The following LAMA1 variants were observed in gnomAD, a reference collection of about 807,000 sequenced individuals.
The protein encoded by LAMA1 is laminin subunit alpha 1.
A neutral mutation model predicts 348.7 loss-of-function variants in LAMA1; 219 were observed. The ratio of observed to expected loss-of-function variants is 0.63; its 90% CI spans 0.56 to 0.70. The LOEUF (loss-of-function observed/expected upper bound fraction) is 0.70, where lower values mean the gene tolerates loss of function less well. Ranked by LOEUF, LAMA1 falls within the 30% of genes least tolerant of loss-of-function variation. The pLI is 0.00. For missense variants in LAMA1, 3,744 were observed against 3,888.0 expected, an observed-to-expected ratio of 0.96 and a Z score of 0.99; for synonymous variants, 1,487 against 1,491.0, an observed-to-expected ratio of 1.00 and a Z score of 0.06.
intron 1 of LAMA1, among the ~76,000 whole-genome samples, chr18:7,083,110 C>G (rs2058199724): frequency 6.6e-6 from 1 of 151,948 alleles, no homozygotes; most frequent in Admixed American, 6.6e-5. Context: ...AGAATAATAT[C>G]TCAGTTATAG....
chr18:7,013,134 C>T (rs1433528286), intron 23 of LAMA1, among the ~76,000 whole-genome samples: 1 of 151,912 alleles, frequency 6.6e-6, no homozygotes, highest in Admixed American at 6.6e-5. Context: ...GCACTCCAGC[C>T]TGAGAGACAG....
rs1394375828 is a variant in LAMA1, at chr18:6,943,287, T to C, written c.8960A>G (p.His2987Arg). 6.2e-7 allele frequency: 1 copy of C among 1,614,080 alleles called. No homozygotes were observed. Among genetic ancestry groups the C allele is most frequent in the Non-Finnish European group, 8.5e-7 (1 of 1,180,042 alleles). The change falls in exon 62 of 63, where the codon CAC becomes CGC. Residue 2987 changes from histidine (H) to arginine (R), a missense_variant. By Grantham distance (29) the His-to-Arg change is conservative. This residue lies in a region of LAMA1 where 232 missense variants were observed against 264.4 expected (regional missense o/e 0.88). Coordinates refer to ENST00000389658, the MANE Select transcript of LAMA1 (RefSeq NM_005559.4). The part of the protein sequence containing the change: ...WHTLQANKSK[H>R]RITLIVDGNA... ...CCCGTCAACAATCAGAGTGATACGG[T>C]GTTTGCTTTTGTTAGCTTGAAGAGT... is the stretch of plus-strand genomic sequence containing the variant.
chr18:7,038,883 G>C lies in LAMA1; in HGVS notation c.1490C>G (p.Pro497Arg), dbSNP rs917061545. Reference sequence around the variant, plus strand: ...GCAGAAGCACTCGGAGCAGCCCCGGGGGTTTTTTTCCTTCAAGTTATAGAA... The same window carrying C: ...GCAGAAGCACTCGGAGCAGCCCCGGCGGTTTTTTTCCTTCAAGTTATAGAA... ...PGFYNLKEKNPRGCSECFCFG... is the reference protein window; with the variant it reads ...PGFYNLKEKNRRGCSECFCFG... Residue 497 changes from proline to arginine, a missense_variant, in exon 11 of 63, where the codon CCC (proline) becomes CGC (arginine). Pro to Arg is a moderately radical substitution (Grantham distance 103). This residue lies in a region of LAMA1 where 1,529 missense variants were observed against 1,689.4 expected (regional missense o/e 0.91). Transcript: ENST00000389658. 1.4e-5 allele frequency: 23 copies of C among 1,614,038 alleles called. No homozygotes were observed. Among genetic ancestry groups the C allele is most frequent in the African/African-American group, 4.0e-5 (3 of 74,938 alleles).
chr18:7,034,150 A>C (rs1347550126), intron 14 of LAMA1, among the ~76,000 whole-genome samples: 2 of 152,206 alleles, frequency 1.3e-5, no homozygotes, highest in Non-Finnish European at 2.9e-5. Flanking sequence ...AAAAGCTAAG[A>C]CCATTAACAT....
At chr18:6,990,479 A>C (rs1465529824) in intron 36 of LAMA1, among the ~76,000 whole-genome samples, 10 of 152,124 alleles carry the variant, frequency 6.6e-5, no homozygotes, top group Non-Finnish European at 2.9e-5. Flanking sequence ...AGCCCCACCC[A>C]GGGGCATCGC....
intron 1 of LAMA1, among the ~76,000 whole-genome samples, chr18:7,092,626 GAAA>G (rs35680760): frequency 6.9e-5 from 8 of 115,734 alleles, no homozygotes; most frequent in African/African-American, 9.9e-5. Flanking sequence ...TCTGTCTCGG[GAAA>G]AAAAAAAAAA....
chr18:7,028,780 G>C (rs1447327912), intron 16 of LAMA1, among the ~76,000 whole-genome samples: 1 of 152,228 alleles, frequency 6.6e-6, no homozygotes, highest in Non-Finnish European at 1.5e-5. Flanking sequence ...CAGGAGCAAA[G>C]GGGAGGGGTG....
intron 39 of LAMA1, among the ~76,000 whole-genome samples, chr18:6,983,688 G>T (rs569136657): frequency 6.6e-6 from 1 of 152,188 alleles, no homozygotes; most frequent in Non-Finnish European, 1.5e-5. Flanking sequence ...AATGGCATAC[G>T]ACAATTTTAC....
rs1600364213 is a variant in LAMA1 at position 6,976,015 on chromosome 18, G to T, written c.6411C>A (p.Thr2137=). 3 of 1,614,156 alleles carry T rather than the reference G, an allele frequency of 1.9e-6. No individual in the cohort carries two copies. Among genetic ancestry groups the T allele is most frequent in the Non-Finnish European group, 2.5e-6 (3 of 1,180,010 alleles). ...IRAYQPQISS[T]NYNTLTLNVK... ...CATTTAGTGTTAAGGTATTGTAGTTGGTAGAGGAAATCTGAGGCTGGTAGG... is the reference window on the plus strand; with the variant it reads ...CATTTAGTGTTAAGGTATTGTAGTTTGTAGAGGAAATCTGAGGCTGGTAGG... The change falls in exon 45 of 63, where the codon ACC becomes ACA. Residue 2137 remains threonine, a synonymous_variant. Transcript: ENST00000389658.
intron 62 of LAMA1, 39 bp from the exon 63 acceptor site, chr18:6,942,278 T>G (rs760984902): frequency 5.4e-5 from 87 of 1,610,374 alleles, no homozygotes; most frequent in Non-Finnish European, 6.4e-5. Context: ...TTGCTTAATT[T>G]TGTTGAAATG....
At chr18:6,973,617 GA>G (rs1405614015) in intron 46 of LAMA1, among the ~76,000 whole-genome samples, 1 of 152,144 alleles carries the variant, frequency 6.6e-6, no homozygotes, top group Non-Finnish European at 1.5e-5. Context: ...TGAATTTTAA[GA>G]AAATGCACCC....
At chr18:7,039,951 C>G (rs1407828316) in intron 10 of LAMA1, 125 bp downstream of exon 10, 1 of 1,062,650 alleles carries the variant, frequency 9.4e-7, no homozygotes. Flanking sequence ...AGAGAAGGGG[C>G]AAGGGGAGTT....
chr18:7,034,739 T>G (rs759871008), intron 13 of LAMA1, 49 bp from the exon 14 acceptor site: 1 of 1,530,976 alleles, frequency 6.5e-7, no homozygotes, highest in East Asian at 2.4e-5. Flanking sequence ...AATTTAATGA[T>G]AAAATAAAAA....
At chr18:7,011,180 A>C in intron 25 of LAMA1, 120 bp downstream of exon 25, 2 of 1,137,988 alleles carry the variant, frequency 1.8e-6, no homozygotes, top group South Asian at 2.7e-5. Context: ...ATCCCACTTA[A>C]AAGAGGAAAT....
chr18:7,107,126 T>TTC (rs1306979530), intron 1 of LAMA1, among the ~76,000 whole-genome samples: 1 of 150,934 alleles, frequency 6.6e-6, no homozygotes, highest in Admixed American at 6.6e-5. Context: ...AACTCCTTTT[T>TTC]TTTTTTTTTT....
intron 36 of LAMA1, among the ~76,000 whole-genome samples, chr18:6,991,307 T>TA (rs1465415967): frequency 7.1e-6 from 1 of 140,146 alleles, no homozygotes; most frequent in African/African-American, 2.6e-5. Flanking sequence ...TTTTAAAAAA[T>TA]ATAAAAAAAA....
At chr18:7,015,547 A>C (rs904812256) in intron 22 of LAMA1, among the ~76,000 whole-genome samples, 175 bp downstream of exon 22, 4 of 150,958 alleles carry the variant, frequency 2.6e-5, no homozygotes, top group Admixed American at 2.0e-4. Flanking sequence ...CCCAAAGTGC[A>C]GTGATTACAG....
chr18:7,101,866 G>A (rs1044994153), intron 1 of LAMA1, among the ~76,000 whole-genome samples: 2 of 150,446 alleles, frequency 1.3e-5, no homozygotes, highest in African/African-American at 4.9e-5. Context: ...TGTAGAGCTG[G>A]GGGGGTCTCC....
chr18:7,046,353 T>C lies in LAMA1; in HGVS notation c.783A>G (p.Ile261Met). 1 of 1,598,006 alleles carries C rather than the reference T, an allele frequency of 6.3e-7. No homozygotes were observed. The highest frequency in any genetic ancestry group is 8.6e-7 in the Non-Finnish European group (1 of 1,167,338). ...PIVTRRYYYS[I>M]KDISVGGMCI... ...ACATGCCTCCAACAGAAATGTCCTT[T>C]ATTGAATAATAATACTAAGGAAAAA... The change falls in exon 6 of 63, where the codon ATA becomes ATG. Residue 261 changes from isoleucine (I) to methionine (M), a missense_variant. Physicochemically the swap from Ile to Met is conservative, Grantham distance 10. This residue lies in a region of LAMA1 where 1,529 missense variants were observed against 1,689.4 expected (regional missense o/e 0.91). Coordinates refer to ENST00000389658, the MANE Select transcript of LAMA1 (RefSeq NM_005559.4).
Sources: gnomAD v4.1 joint callset for allele counts (sites outside exome capture counted in the v4.1 genomes callset) on GRCh38, gnomAD v4.1.1 for gene constraint, gnomAD v4.1.1 regional missense constraint, MANE v1.5 for transcripts, NCBI Gene and HGNC (gene_info 2026-07-23, HGNC 2026-07-21) for gene names.